Variants in RNF182 observed in about 807,000 individuals in gnomAD.
The protein encoded by RNF182 is E3 ubiquitin-protein ligase RNF182.
RNF182 carries 15 observed loss-of-function variants against 14.4 expected under a neutral mutation model. The ratio of observed to expected loss-of-function variants is 1.04; its 90% CI spans 0.70 to 1.60. The LOEUF is 1.60. Among genes scored for constraint, RNF182 ranks in the 40% most tolerant of loss-of-function variants. The pLI, the probability that RNF182 is intolerant of heterozygous loss-of-function variation, is 0.00. For missense variants in RNF182, 268 were observed against 294.8 expected (o/e 0.91, Z 0.67); for synonymous variants, 128 against 122.9 (o/e 1.04, Z -0.27).
At chr6:13,962,758 T>C (rs1355465593) in intron 1 of RNF182, among the ~76,000 whole-genome samples, 3 of 152,176 alleles carry the variant, frequency 2.0e-5, no homozygotes, top group East Asian at 1.9e-4. Flanking sequence ...TGTCTTTTCA[T>C]AAGGGGAAAA....
At chr6:13,951,543 A>G (rs752441611) in intron 1 of RNF182, among the ~76,000 whole-genome samples, 6 of 152,192 alleles carry the variant, frequency 3.9e-5, no homozygotes, top group Non-Finnish European at 5.9e-5. Context: ...CTGTCCCTAA[A>G]AGTATATGTC....
rs934222836 is a variant in RNF182 at position 13,957,306 on chromosome 6, C to A, written c.-366-16904C>A. On this transcript the variant is annotated intron_variant, in intron 1 of 2. Transcript: ENST00000488300. ...TGGCTGTGTTGCAAAGTGACACATT[C>A]ATTAAGATTGATTCTAAAAGGCCTA... Among the ~76,000 whole-genome samples the A allele has an allele frequency of 2.0e-5, 3 of 152,150 alleles. No homozygotes were observed. The East Asian group carries it at 5.8e-4, about 29-fold the overall frequency.
intron 2 of RNF182, 123 bp downstream of exon 2, chr6:13,974,487 TACTC>T (rs1392379313): frequency 3.3e-5 from 5 of 152,248 alleles, no homozygotes; most frequent in African/African-American, 9.6e-5. Flanking sequence ...TATCTTAACA[TACTC>T]AGTAATCTGA....
intron 1 of RNF182, among the ~76,000 whole-genome samples, chr6:13,961,158 G>T (rs2113629971): frequency 6.6e-6 from 1 of 152,250 alleles, no homozygotes; most frequent in African/African-American, 2.4e-5. Context: ...TTGGTAAATT[G>T]TGCTTTACTT....
At chr6:13,958,710 T>C (rs1225247637) in intron 1 of RNF182, among the ~76,000 whole-genome samples, 1 of 152,194 alleles carries the variant, frequency 6.6e-6, no homozygotes, top group East Asian at 1.9e-4. Flanking sequence ...AAATTGGGCT[T>C]CTTGAAGTTT....
At chr6:13,964,246 C>T (rs978016170) in intron 1 of RNF182, among the ~76,000 whole-genome samples, 1 of 152,046 alleles carries the variant, frequency 6.6e-6, no homozygotes, top group Non-Finnish European at 1.5e-5. Context: ...TAGAATGAGA[C>T]AGTTTGATAT....
At position 13,977,876 on chromosome 6, in the gene RNF182, A is replaced by G. The variant is rs1760381315; in HGVS notation, c.*13A>G. 1 of 1,595,544 alleles carries G rather than the reference A, an allele frequency of 6.3e-7. No homozygotes were observed. Among genetic ancestry groups the G allele is most frequent in the Non-Finnish European group, 8.5e-7 (1 of 1,170,300 alleles). On this transcript the variant is annotated 3_prime_UTR_variant, in exon 3 of 3. Transcript: ENST00000488300. ...ACCTCCTTCTTAACTGATATGCAAA[A>G]TAAGAAATTGGACACACATTGCCCT...
At chr6:13,942,363 A>G (rs753764100) in intron 1 of RNF182, among the ~76,000 whole-genome samples, 11 of 152,120 alleles carry the variant, frequency 7.2e-5, no homozygotes, top group Non-Finnish European at 1.3e-4. Flanking sequence ...TTTTTTTGAG[A>G]CAAAATCTTG....
intron 1 of RNF182, among the ~76,000 whole-genome samples, chr6:13,972,061 G>T (rs995151222): frequency 2.6e-5 from 4 of 152,090 alleles, no homozygotes; most frequent in African/African-American, 9.7e-5. Flanking sequence ...AGCACCTTGG[G>T]AGGCCAAGGC....
At chr6:13,927,830 G>T (rs1451116747) in intron 1 of RNF182, among the ~76,000 whole-genome samples, 2 of 152,236 alleles carry the variant, frequency 1.3e-5, no homozygotes. Flanking sequence ...AAGCACATTT[G>T]TGAAGGATGG....
intron 1 of RNF182, chr6:13,961,639 T>A (rs1009872774): frequency 1.3e-5 from 2 of 152,224 alleles, no homozygotes; most frequent in African/African-American, 4.8e-5. Context: ...CAGCACAGCA[T>A]AAATCACAAC....
At chr6:13,944,888 A>G (rs2113603666) in intron 1 of RNF182, among the ~76,000 whole-genome samples, 1 of 152,328 alleles carries the variant, frequency 6.6e-6, no homozygotes, top group Admixed American at 6.5e-5. Flanking sequence ...ATATTGTTAT[A>G]TAGCAATTTG....
rs1760359408 is a variant in RNF182 at position 13,977,394 on chromosome 6, C to T, written c.275C>T (p.Thr92Ile). ...GACAACAACATCCTTGTAAACTTGA[C>T]TTGTGGAGGCAAAGGGAAGAAGTGC... is the stretch of plus-strand genomic sequence containing the variant. ...PDDNNILVNL[T>I]CGGKGKKCLP... Residue 92 changes from threonine (T) to isoleucine (I), a missense_variant, in exon 3 of 3, where the codon ACT (threonine) becomes ATT (isoleucine). Transcript: ENST00000488300. The T allele has an allele frequency of 1.2e-6, 2 of 1,614,142 alleles. No individual in the cohort carries two copies. Among genetic ancestry groups the T allele is most frequent in the Admixed American group, 1.7e-5 (1 of 60,018 alleles).
At chr6:13,957,620 T>A (rs77404189) in intron 1 of RNF182, among the ~76,000 whole-genome samples, 2,284 of 152,292 alleles carry the variant, frequency 0.015, 66 homozygotes, top group African/African-American at 0.052. Flanking sequence ...GATGGTGTAT[T>A]CTTTAGAATT....
chr6:13,952,553 C>T (rs1209395068), intron 1 of RNF182, among the ~76,000 whole-genome samples: 3 of 152,080 alleles, frequency 2.0e-5, no homozygotes, highest in Admixed American at 2.0e-4. Context: ...ATGTATCCTA[C>T]GGTTTATCCA....
At chr6:13,938,175 ATTTTTTT>A in intron 1 of RNF182, among the ~76,000 whole-genome samples, 1 of 92,700 alleles carries the variant, frequency 1.1e-5, no homozygotes, top group Admixed American at 1.2e-4. Flanking sequence ...AATTTTTTGT[ATTTTTTT>A]TTTTTTTTTT....
In RNF182 at chr6:13,977,663, A is replaced by T; in HGVS notation, c.544A>T (p.Ile182Phe). The T allele has an allele frequency of 6.2e-7, 1 of 1,614,180 alleles. No homozygotes were observed. Among genetic ancestry groups the T allele is most frequent in the Non-Finnish European group, 8.5e-7 (1 of 1,180,018 alleles). ...NCTSLLFQTS[I>F]RVLVWLLGLL... The stretch of plus-strand genomic sequence containing the variant: ...CACGTCCCTGCTGTTTCAGACATCC[A>T]TCCGGGTGTTAGTGTGGTTGCTAGG... Residue 182 changes from isoleucine (I) to phenylalanine (F), a missense_variant, in exon 3 of 3, where the codon ATC becomes TTC. Physicochemically the swap from Ile to Phe is conservative, Grantham distance 21 (BLOSUM62 0). Transcript: ENST00000488300.
At chr6:13,932,765 A>G (rs1759005366) in intron 1 of RNF182, among the ~76,000 whole-genome samples, 1 of 152,216 alleles carries the variant, frequency 6.6e-6, no homozygotes, top group Non-Finnish European at 1.5e-5. Context: ...AACGTTAAAA[A>G]CATGACAATT....
intron 1 of RNF182, among the ~76,000 whole-genome samples, chr6:13,968,430 A>G (rs994116494): frequency 1.3e-5 from 2 of 152,256 alleles, no homozygotes; most frequent in Non-Finnish European, 2.9e-5. Context: ...TTAAAGATCT[A>G]CTACTGCAAA....
Sources: allele counts gnomAD v4.1 joint callset (sites outside exome capture counted in the v4.1 genomes callset), GRCh38; gene constraint gnomAD v4.1.1; transcripts MANE v1.5; gene names NCBI Gene and HGNC (gene_info 2026-07-23, HGNC 2026-07-21).